Variants in PARN observed in about 807,000 individuals in gnomAD.
PARN encodes poly(A)-specific ribonuclease PARN.
Under a neutral mutation model 102.8 loss-of-function variants are expected in PARN, and 71 were observed. That is an observed-to-expected ratio of 0.69 (90% CI 0.57 to 0.84). The LOEUF (loss-of-function observed/expected upper bound fraction) is 0.84, where lower values mean the gene tolerates loss of function less well. Among genes scored for constraint, PARN ranks in the 40% least tolerant of loss-of-function variants. PARN has a pLI of 0.00. For synonymous variants in PARN, 261 were observed against 252.9 expected, an observed-to-expected ratio of 1.03 and a Z score of -0.30; for missense variants, 782 against 760.9, an observed-to-expected ratio of 1.03 and a Z score of -0.33.
At chr16:14,463,143 A>C (rs1384159343) in intron 22 of PARN, among the ~76,000 whole-genome samples, 1 of 152,210 alleles carries the variant, frequency 6.6e-6, no homozygotes, top group Non-Finnish European at 1.5e-5. Flanking sequence ...AACTTGGGAA[A>C]ACACATACAT....
At chr16:14,504,362 A>G (rs891144931) in intron 21 of PARN, among the ~76,000 whole-genome samples, 6 of 152,172 alleles carry the variant, frequency 3.9e-5, no homozygotes, top group Non-Finnish European at 7.3e-5. Context: ...GTTGGAGATC[A>G]GCCTGGCCAA....
intron 18 of PARN, chr16:14,578,770 T>C (rs1165132357): frequency 6.6e-6 from 1 of 152,014 alleles, no homozygotes; most frequent in African/African-American, 2.4e-5. Context: ...TGGAAAAAAA[T>C]AGACCAAAAA....
chr16:14,534,409 C>G (rs1026175959), intron 21 of PARN, among the ~76,000 whole-genome samples: 5 of 151,856 alleles, frequency 3.3e-5, no homozygotes, highest in Non-Finnish European at 1.5e-5. Context: ...AGAGGCTTAC[C>G]CTCCATCTTA....
intron 21 of PARN, among the ~76,000 whole-genome samples, chr16:14,506,978 A>C (rs762468582): frequency 2.0e-5 from 3 of 152,240 alleles, no homozygotes; most frequent in Non-Finnish European, 2.9e-5. Context: ...AAAAGACTTA[A>C]TGTTGGAGAA....
At chr16:14,593,674 G>C (rs1047374374) in intron 12 of PARN, among the ~76,000 whole-genome samples, 5 of 151,906 alleles carry the variant, frequency 3.3e-5, no homozygotes, top group African/African-American at 1.2e-4. Flanking sequence ...ATCAGAAGTA[G>C]TAAAATTTTG....
intron 18 of PARN, among the ~76,000 whole-genome samples, chr16:14,570,326 A>G: frequency 6.8e-6 from 1 of 147,574 alleles, no homozygotes; most frequent in African/African-American, 2.5e-5. Flanking sequence ...TGTCTCAAAA[A>G]AAAAAAAAAA....
At chr16:14,614,117 C>T (rs114128227) in intron 6 of PARN, among the ~76,000 whole-genome samples, 6 of 152,090 alleles carry the variant, frequency 3.9e-5, no homozygotes, top group African/African-American at 1.4e-4. Context: ...ATTAGCTGGA[C>T]ATGATGGTGT....
At chr16:14,506,919 C>A (rs1596536091) in intron 21 of PARN, among the ~76,000 whole-genome samples, 1 of 152,182 alleles carries the variant, frequency 6.6e-6, no homozygotes, top group Admixed American at 6.5e-5. Context: ...AAAGAAAATG[C>A]ATTCTCTCTC....
intron 5 of PARN, among the ~76,000 whole-genome samples, chr16:14,622,015 A>T (rs930865234): frequency 1.3e-5 from 2 of 152,008 alleles, no homozygotes. Flanking sequence ...CAACATGGTG[A>T]AACTCTGTCC....
chr16:14,440,029 A>G (rs1387621896), intron 23 of PARN, among the ~76,000 whole-genome samples: 3 of 152,108 alleles, frequency 2.0e-5, no homozygotes, highest in African/African-American at 7.2e-5. Context: ...AACAACAACA[A>G]CAACAACAAC....
chr16:14,462,667 G>C (rs552087406), intron 22 of PARN, among the ~76,000 whole-genome samples: 1 of 150,516 alleles, frequency 6.6e-6, no homozygotes, highest in Non-Finnish European at 1.5e-5. Flanking sequence ...AGAAGAAGAA[G>C]AAGAAAAGAA....
intron 21 of PARN, among the ~76,000 whole-genome samples, chr16:14,510,459 T>C (rs554809306): frequency 3.2e-4 from 49 of 152,278 alleles, no homozygotes; most frequent in Admixed American, 9.8e-4. Flanking sequence ...AATAATTAAG[T>C]GCCTACACTG....
At chr16:14,476,483 CAT>C (rs1235231595) in intron 22 of PARN, among the ~76,000 whole-genome samples, 1 of 152,182 alleles carries the variant, frequency 6.6e-6, no homozygotes, top group African/African-American at 2.4e-5. Flanking sequence ...AGGTCTCTGT[CAT>C]AACTACCCAC....
chr16:14,584,635 T>G (rs2151754503), intron 15 of PARN, 114 bp downstream of exon 15: 2 of 810,898 alleles, frequency 2.5e-6, no homozygotes, highest in African/African-American at 1.7e-5. Flanking sequence ...TGAATAAAGA[T>G]CTTTACAGAT....
At chr16:14,551,893 A>T in intron 21 of PARN, 128 bp downstream of exon 21, 3 of 620,000 alleles carry the variant, frequency 4.8e-6, no homozygotes, top group Non-Finnish European at 5.8e-6. Flanking sequence ...TTCAGAGACA[A>T]TCTCAAAAAC....
At chr16:14,497,366 G>GT (rs1333250190) in intron 21 of PARN, among the ~76,000 whole-genome samples, 3 of 152,212 alleles carry the variant, frequency 2.0e-5, no homozygotes, top group African/African-American at 7.2e-5. Flanking sequence ...CAGCCTGCGT[G>GT]TAACTGAAGC....
chr16:14,448,774 A>T (rs1312138997), intron 22 of PARN, among the ~76,000 whole-genome samples: 1 of 152,206 alleles, frequency 6.6e-6, no homozygotes, highest in Non-Finnish European at 1.5e-5. Flanking sequence ...TGGGAAGCAG[A>T]AGAGGCTGGA....
chr16:14,472,679 A>T lies in PARN; in HGVS notation c.1670+9959T>A, dbSNP rs372998456. ...TCTAGTAATAAGAGCAATGTATTTA[A>T]AGTTCTGAGAGAAAACAGTTTTGGG... On this transcript the variant is annotated intron_variant, in intron 22 of 23. Coordinates refer to ENST00000437198, the MANE Select transcript of PARN (RefSeq NM_002582.4). Among the ~76,000 whole-genome samples, 3 of 152,380 alleles carry T rather than the reference A, an allele frequency of 2.0e-5. No homozygotes were observed. The East Asian group carries it at 5.8e-4, about 29-fold the overall frequency.
chr16:14,611,779 C>T (rs1971532333), intron 6 of PARN, among the ~76,000 whole-genome samples: 1 of 152,126 alleles, frequency 6.6e-6, no homozygotes, highest in Non-Finnish European at 1.5e-5. Flanking sequence ...GACCTCACCG[C>T]CTGCCTCAGC....
Sources: gnomAD v4.1 joint callset for allele counts (sites outside exome capture counted in the v4.1 genomes callset) on GRCh38, gnomAD v4.1.1 for gene constraint, MANE v1.5 for transcripts, NCBI Gene and HGNC (gene_info 2026-07-23, HGNC 2026-07-21) for gene names.